The following MVP variants were observed in gnomAD, a reference collection of about 807,000 sequenced individuals.
MVP encodes major vault protein, also known as lung resistance-related protein.
In MVP, 62 loss-of-function variants were observed where a neutral mutation model predicts 83.5. That is an observed-to-expected ratio of 0.74 (90% CI 0.61 to 0.92). MVP has a LOEUF of 0.92. MVP is among the 40% of genes least tolerant of loss of function. The probability of loss-of-function intolerance (pLI) is 0.00; values close to 1 mark genes in which losing one functional copy is unlikely to be tolerated. For missense variants in MVP, 1,000 were observed against 1,203.4 expected (o/e 0.83, Z 2.50); for synonymous variants, 505 against 504.1 (o/e 1.00, Z -0.02).
intron 12 of MVP, 45 bp from the exon 13 acceptor site, chr16:29,846,113 A>G (rs1056196414): frequency 1.2e-6 from 2 of 1,600,200 alleles, no homozygotes; most frequent in Non-Finnish European, 1.7e-6. Flanking sequence ...CCGTGGGGGG[A>G]CTGGGCTGTC....
chr16:29,840,558 C>T (rs1487896917), intron 8 of MVP, 99 bp downstream of exon 8: 8 of 1,361,368 alleles, frequency 5.9e-6, no homozygotes, highest in South Asian at 1.4e-5. Flanking sequence ...ACTTCAGCAG[C>T]ATGGAGAGCC....
chr16:29,833,989 T>C lies in MVP; in HGVS notation c.500T>C (p.Ile167Thr), dbSNP rs756573936. 6 of 1,613,868 alleles carry C rather than the reference T, an allele frequency of 3.7e-6. No homozygotes were observed. The East Asian group carries it at 1.1e-4, about 30-fold the overall frequency. Residue 167 changes from isoleucine (I) to threonine (T), a missense_variant, in exon 5 of 15, where the codon ATC (isoleucine) becomes ACC (threonine). Transcript: ENST00000357402. The stretch of plus-strand genomic sequence containing the variant: ...GTCGTGGAGATCATTCAGGCCACCA[T>C]CATCAGGCAGAACCAGGCTCTGCGG... ...VEVVEIIQAT[I>T]IRQNQALRLR...
At chr16:29,834,225 C>T in intron 5 of MVP, 159 bp downstream of exon 5, 6 of 988,724 alleles carry the variant, frequency 6.1e-6, no homozygotes, top group Non-Finnish European at 8.7e-6. Flanking sequence ...CTTCCTTCCC[C>T]ACCCCCGCTT....
chr16:29,824,211 C>CA (rs61338952), intron 1 of MVP, among the ~76,000 whole-genome samples: 1,615 of 39,612 alleles, frequency 0.041, 319 homozygotes, highest in Middle Eastern at 0.062. Flanking sequence ...AACTCCATCT[C>CA]AAAAAAAAAA....
At chr16:29,845,003 A>G in intron 11 of MVP, 124 bp downstream of exon 11, 1 of 1,306,314 alleles carries the variant, frequency 7.7e-7, no homozygotes, top group Non-Finnish European at 1.0e-6. Context: ...TCTATTCCCT[A>G]CCCAACAGAT....
chr16:29,845,293 G>A (rs1057230210), intron 11 of MVP, among the ~76,000 whole-genome samples: 1 of 151,344 alleles, frequency 6.6e-6, no homozygotes, highest in African/African-American at 2.4e-5. Context: ...AGCTCCAGCC[G>A]GCCTCCCCCG....
chr16:29,844,429 T>A, intron 10 of MVP, 64 bp from the exon 11 acceptor site: 1 of 1,507,388 alleles, frequency 6.6e-7, no homozygotes, highest in Non-Finnish European at 8.8e-7. Context: ...CAAGACCTTG[T>A]CTCTTCTAAA....
chr16:29,834,187 T>C, intron 5 of MVP, 121 bp downstream of exon 5: 2 of 1,381,494 alleles, frequency 1.4e-6, no homozygotes, highest in Middle Eastern at 2.6e-4. Context: ...TGGTATCTTT[T>C]GAAAGCTGTT....
At chr16:29,824,211 CAAAAAAAAAA>C (rs61338952) in intron 1 of MVP, among the ~76,000 whole-genome samples, 14 of 39,668 alleles carry the variant, frequency 3.5e-4, no homozygotes, top group Non-Finnish European at 4.3e-4. Context: ...AACTCCATCT[CAAAAAAAAAA>C]AAAAAAAAAA....
At chr16:29,822,418 G>A (rs1485106167) in intron 1 of MVP, 1 of 152,106 alleles carries the variant, frequency 6.6e-6, no homozygotes, top group East Asian at 1.9e-4. Context: ...AAAACAGGCT[G>A]TTGGCAATTC....
At position 29,830,547 on chromosome 16, in the gene MVP, A is replaced by C; in HGVS notation, c.-3A>C. 1 of 1,613,724 alleles carries C rather than the reference A, an allele frequency of 6.2e-7. No individual in the cohort carries two copies. Among genetic ancestry groups the C allele is most frequent in the South Asian group, 1.1e-5 (1 of 91,068 alleles). ...CTTGTGAGCCCTGGGCTTAGGAGTC[A>C]CCATGGCAACTGAAGAGTTCATCAT... On this transcript the variant is annotated 5_prime_UTR_variant, in exon 2 of 15. Transcript: ENST00000357402.
chr16:29,839,871 G>T (rs1022207573), intron 7 of MVP, among the ~76,000 whole-genome samples: 1 of 148,172 alleles, frequency 6.7e-6, no homozygotes, highest in Admixed American at 6.8e-5. Context: ...ACCATCTCTA[G>T]AAAACAAAGC....
At chr16:29,829,949 C>T (rs2067429331) in intron 1 of MVP, 3 of 153,198 alleles carry the variant, frequency 2.0e-5, no homozygotes, top group African/African-American at 4.8e-5. Flanking sequence ...TTGTTTATGG[C>T]CGAATCCTAG....
chr16:29,827,410 C>T (rs973012200), intron 1 of MVP, among the ~76,000 whole-genome samples: 1 of 152,160 alleles, frequency 6.6e-6, no homozygotes, highest in Non-Finnish European at 1.5e-5. Flanking sequence ...GAGTTGTAAG[C>T]CCGGGCAGTC....
At position 29,841,870 on chromosome 16, in the gene MVP, G is replaced by T. The variant is rs1231195352; in HGVS notation, c.1436+30G>T. On this transcript the variant is annotated intron_variant, in intron 9 of 14. Transcript: ENST00000357402. This position sits in a 1 kb window ranked among gnomAD's most constrained non-coding sequence, Gnocchi z 4.7. Reference sequence around the variant, plus strand: ...GTGCTGGCAGCGCAGGGTGTAGGGGGTGGCTCTCCATGGGTCTGGCTCTGA... The same window carrying T: ...GTGCTGGCAGCGCAGGGTGTAGGGGTTGGCTCTCCATGGGTCTGGCTCTGA... The T allele has an allele frequency of 3.7e-6, 6 of 1,609,518 alleles. No individual in the cohort carries two copies. In the East Asian group the frequency reaches 1.1e-4, roughly 30 times the overall value.
rs1363225991 is a variant in MVP, at chr16:29,846,321, G to C, written c.2265+37G>C. 18 of 1,534,006 alleles carry C rather than the reference G, an allele frequency of 1.2e-5. No homozygotes were observed. The African/African-American group carries it at 1.8e-4, about 15-fold the overall frequency. On this transcript the variant is annotated intron_variant, in intron 13 of 14. Transcript: ENST00000357402. The stretch of plus-strand genomic sequence containing the variant: ...GAGGCATTAAGAAGAGGGTGGCCTT[G>C]AGTCCTGGAAAAGGCCCATTCCCTA...
chr16:29,844,596 CG>C lies in MVP; in HGVS notation c.1744del (p.Ala582ProfsTer131). 1 of 1,613,114 alleles carries C rather than the reference CG, an allele frequency of 6.2e-7. No homozygotes were observed. Among genetic ancestry groups the C allele is most frequent in the Non-Finnish European group, 8.5e-7 (1 of 1,179,468 alleles). ...DACKAIASRV[R>X]GAVASVTFDD... ...CTGCAAAGCCATCGCATCCCGGGTG[CG>C]GGGGGCCGTGGCCTCTGTCACTTTC... On this transcript the variant is annotated frameshift_variant, in exon 11 of 15. Coordinates refer to ENST00000357402, the MANE Select transcript of MVP (RefSeq NM_005115.5). LOFTEE classifies it high-confidence loss of function.
In MVP at chr16:29,830,571, A is replaced by G. The variant is rs1156399412; in HGVS notation, c.22A>G (p.Ile8Val). 6.2e-7 allele frequency: 1 copy of G among 1,613,964 alleles called. No individual in the cohort carries two copies. Among genetic ancestry groups the G allele is most frequent in the South Asian group, 1.1e-5 (1 of 91,078 alleles). The part of the protein sequence containing the change: MATEEFI[I>V]RIPPYHYIHV... ...CACCATGGCAACTGAAGAGTTCATCATCCGCATCCCCCCATACCACTATAT... is the reference window on the plus strand; with the variant it reads ...CACCATGGCAACTGAAGAGTTCATCGTCCGCATCCCCCCATACCACTATAT... The change falls in exon 2 of 15, where the codon ATC (isoleucine) becomes GTC (valine). Residue 8 changes from isoleucine to valine, a missense_variant. By Grantham distance (29) the Ile-to-Val change is conservative. Transcript: ENST00000357402.
chr16:29,828,120 C>G (rs918195325), intron 1 of MVP, among the ~76,000 whole-genome samples: 4 of 151,596 alleles, frequency 2.6e-5, no homozygotes, highest in Non-Finnish European at 5.9e-5. Flanking sequence ...GCCACCATGC[C>G]CAGCTAATTT....
Sources: gnomAD v4.1 joint callset for allele counts (sites outside exome capture counted in the v4.1 genomes callset) on GRCh38, gnomAD v4.1.1 for gene constraint, Gnocchi (gnomAD v3.1) non-coding constraint, MANE v1.5 for transcripts, NCBI Gene and HGNC (gene_info 2026-07-23, HGNC 2026-07-21) for gene names.